Variants in SDK1 observed in about 807,000 individuals in gnomAD.
SDK1 encodes the protein sidekick cell adhesion molecule 1, also known as protein sidekick-1.
A neutral mutation model predicts 245.5 loss-of-function variants in SDK1; 157 were observed. The ratio of observed to expected loss-of-function variants is 0.64; its 90% CI spans 0.56 to 0.73. SDK1 has a LOEUF of 0.73. Ranked by LOEUF, SDK1 falls within the 30% of genes least tolerant of loss-of-function variation. SDK1 has a pLI of 0.00. For synonymous variants in SDK1, 1,647 were observed against 1,278.5 expected (o/e 1.29, Z -6.15); for missense variants, 3,583 against 3,002.3 (o/e 1.19, Z -4.52).
intron 19 of SDK1, among the ~76,000 whole-genome samples, chr7:4,056,123 A>T (rs1779179051): frequency 6.7e-6 from 1 of 150,190 alleles, no homozygotes; most frequent in African/African-American, 2.5e-5. Context: ...TGTAAATTTT[A>T]TGTCTCAGAG....
intron 4 of SDK1, among the ~76,000 whole-genome samples, chr7:3,758,151 A>G (rs1461214055): frequency 3.9e-5 from 6 of 152,212 alleles, no homozygotes; most frequent in South Asian, 2.1e-4. Flanking sequence ...GGCATATGTT[A>G]AAACCGCCAC....
chr7:4,048,615 C>T (rs1042969484), intron 17 of SDK1, among the ~76,000 whole-genome samples: 1 of 152,152 alleles, frequency 6.6e-6, no homozygotes, highest in African/African-American at 2.4e-5. Flanking sequence ...GCCACCCTTC[C>T]TCCCAAACAC....
At chr7:4,100,145 C>T (rs1782438965) in intron 22 of SDK1, among the ~76,000 whole-genome samples, 1 of 152,184 alleles carries the variant, frequency 6.6e-6, no homozygotes, top group African/African-American at 2.4e-5. Context: ...AGCAGGGAAT[C>T]ACCCAACATG....
intron 1 of SDK1, among the ~76,000 whole-genome samples, chr7:3,488,571 C>T (rs961302664): frequency 2.0e-5 from 3 of 152,098 alleles, no homozygotes; most frequent in Admixed American, 2.0e-4. Context: ...TCTAAGTCTT[C>T]CATGATCACA....
chr7:3,404,367 T>C (rs574284754), intron 1 of SDK1, among the ~76,000 whole-genome samples: 1 of 152,348 alleles, frequency 6.6e-6, no homozygotes, highest in South Asian at 2.1e-4. Flanking sequence ...GTCATTGTTA[T>C]CACTGATTTG....
chr7:3,833,129 A>C (rs1779949915), intron 5 of SDK1, among the ~76,000 whole-genome samples: 1 of 152,160 alleles, frequency 6.6e-6, no homozygotes, highest in Admixed American at 6.5e-5. Flanking sequence ...AGGAAGATAC[A>C]AATGTCAAAA....
chr7:3,575,204 T>A (rs1024002151), intron 1 of SDK1, among the ~76,000 whole-genome samples: 1 of 152,036 alleles, frequency 6.6e-6, no homozygotes, highest in African/African-American at 2.4e-5. Context: ...CTTCTTGGCT[T>A]TTGTAGGTGG....
At chr7:3,953,910 A>G (rs1781031075) in intron 7 of SDK1, among the ~76,000 whole-genome samples, 1 of 152,132 alleles carries the variant, frequency 6.6e-6, no homozygotes, top group South Asian at 2.1e-4. Flanking sequence ...CCCTGAAGAG[A>G]GTGTCTGTGT....
chr7:3,926,960 C>T (rs1012726583), intron 5 of SDK1, among the ~76,000 whole-genome samples: 2 of 152,226 alleles, frequency 1.3e-5, no homozygotes, highest in African/African-American at 4.8e-5. Flanking sequence ...AAGTCTGCTC[C>T]AGTAGCCTGA....
chr7:3,309,277 A>G (rs1290657407), intron 1 of SDK1, among the ~76,000 whole-genome samples: 1 of 152,120 alleles, frequency 6.6e-6, no homozygotes, highest in East Asian at 1.9e-4. Context: ...CCTTCTATAC[A>G]ATGGATGTCA....
intron 44 of SDK1, among the ~76,000 whole-genome samples, chr7:4,264,437 A>AAGGAAGGCCGCGTGGACCTCTCCTGAGTG: frequency 1.1e-5 from 1 of 89,956 alleles, no homozygotes; most frequent in South Asian, 3.6e-4. Flanking sequence ...CTCCTGGGGT[A>AAGGAAGGCCGCGTGGACCTCTCCTGAGTG]AGGAAGGCCG....
At chr7:4,049,194 T>C (rs1460250429) in intron 17 of SDK1, among the ~76,000 whole-genome samples, 154 bp from the exon 18 acceptor site, 1 of 152,236 alleles carries the variant, frequency 6.6e-6, no homozygotes, top group Non-Finnish European at 1.5e-5. Context: ...GTAATGCCAC[T>C]GTAAGCTTCC....
intron 14 of SDK1, among the ~76,000 whole-genome samples, chr7:4,007,752 TGCC>T (rs1218329278): frequency 2.0e-5 from 3 of 151,742 alleles, no homozygotes; most frequent in Non-Finnish European, 4.4e-5. Context: ...TACAGGCACC[TGCC>T]ACCACGCCCG....
chr7:4,140,094 G>A (rs1344449884), intron 28 of SDK1, among the ~76,000 whole-genome samples: 3 of 152,128 alleles, frequency 2.0e-5, no homozygotes, highest in Non-Finnish European at 2.9e-5. Context: ...CTCCCTGGGA[G>A]CACACAGGTT....
At chr7:3,914,346 C>T (rs1394602491) in intron 5 of SDK1, among the ~76,000 whole-genome samples, 7 of 152,022 alleles carry the variant, frequency 4.6e-5, no homozygotes, top group Non-Finnish European at 5.9e-5. Context: ...CAGGAGGGGG[C>T]AAAGATTGTT....
At chr7:4,181,965 G>A (rs1782627030) in intron 35 of SDK1, among the ~76,000 whole-genome samples, 1 of 152,084 alleles carries the variant, frequency 6.6e-6, no homozygotes, top group African/African-American at 2.4e-5. Flanking sequence ...TGTCACCCAG[G>A]CTGGAGTGCA....
At position 3,619,174 on chromosome 7, in the gene SDK1, C is replaced by T. The variant is rs752462737; in HGVS notation, c.393C>T (p.Ser131=). 9.3e-6 allele frequency: 15 copies of T among 1,613,870 alleles called. No individual in the cohort carries two copies. The East Asian group carries it at 2.5e-4, about 26-fold the overall frequency. Residue 131 remains serine (S), a synonymous_variant, in exon 2 of 45, where the codon AGC becomes AGT. Coordinates refer to ENST00000404826, the MANE Select transcript of SDK1 (RefSeq NM_152744.4). ...RLVLTCLAEG[S]WPLEFKWMRD... ...TTCTCACCTGCCTTGCCGAAGGGAG[C>T]TGGCCTTTGGAGTTCAAGTGGATGC...
chr7:4,033,318 A>G (rs1057420781), intron 17 of SDK1, among the ~76,000 whole-genome samples: 2 of 152,206 alleles, frequency 1.3e-5, no homozygotes, highest in African/African-American at 4.8e-5. Flanking sequence ...TTCCAAGTGG[A>G]TCGGAGATAT....
At chr7:3,563,850 A>G (rs1421425359) in intron 1 of SDK1, among the ~76,000 whole-genome samples, 1 of 152,202 alleles carries the variant, frequency 6.6e-6, no homozygotes, top group South Asian at 2.1e-4. Context: ...AATTAGGTTC[A>G]CTCAGTATAA....
Sources: allele counts gnomAD v4.1 joint callset (sites outside exome capture counted in the v4.1 genomes callset), GRCh38; gene constraint gnomAD v4.1.1; transcripts MANE v1.5; gene names NCBI Gene and HGNC (gene_info 2026-07-23, HGNC 2026-07-21).